Variants in DUOX2 observed in about 807,000 individuals in gnomAD.
DUOX2 encodes the protein NADH/NADPH thyroid oxidase p138-tox.
A neutral mutation model predicts 183.3 loss-of-function variants in DUOX2; 185 were observed. The ratio of observed to expected loss-of-function variants is 1.01; its 90% CI spans 0.90 to 1.14. The LOEUF is 1.14. DUOX2 is among the 50% of genes most tolerant of loss of function. The pLI, the probability that DUOX2 is intolerant of heterozygous loss-of-function variation, is 0.00. For missense variants in DUOX2, 1,999 were observed against 2,022.9 expected (o/e 0.99, Z 0.23); for synonymous variants, 788 against 812.4 (o/e 0.97, Z 0.51).
chr15:45,101,588 T>C, intron 21 of DUOX2: 1 of 669,504 alleles, frequency 1.5e-6, no homozygotes, highest in Non-Finnish European at 2.6e-6. Flanking sequence ...AGGATAGATT[T>C]CAACCTGCTC....
rs917130174 is a variant in DUOX2, at chr15:45,099,651, G to A, written c.3415+11C>T. ...CTGCAGCAAAGAGGAAGAAGCCTGG[G>A]AGTCACGTACTGGCCAGGACAACAG... On this transcript the variant is annotated intron_variant, in intron 25 of 33. Transcript: ENST00000389039. 6.2e-7 allele frequency: 1 copy of A among 1,613,998 alleles called. No individual in the cohort carries two copies. Among genetic ancestry groups the A allele is most frequent in the Non-Finnish European group, 8.5e-7 (1 of 1,179,920 alleles).
At chr15:45,102,779 C>T (rs191896845) in intron 20 of DUOX2, among the ~76,000 whole-genome samples, 26 of 152,208 alleles carry the variant, frequency 1.7e-4, no homozygotes, top group Admixed American at 1.0e-3. Flanking sequence ...GTCAGGAGTT[C>T]GAGACTAGCC....
chr15:45,105,831 G>A lies in DUOX2; in HGVS notation c.2149-3C>T. On this transcript the variant is annotated splice_region_variant and splice_polypyrimidine_tract_variant and intron_variant, in intron 17 of 33. Coordinates refer to ENST00000389039, the MANE Select transcript of DUOX2 (RefSeq NM_001363711.2). The stretch of plus-strand genomic sequence containing the variant: ...TCTTCAGAACTAAACAGCAGCACCT[G>A]GGTGGGAGGAAGGCGGCACTGACGC... The A allele has an allele frequency of 6.2e-7, 1 of 1,614,002 alleles. No homozygotes were observed. Among genetic ancestry groups the A allele is most frequent in the African/African-American group, 1.3e-5 (1 of 75,062 alleles).
chr15:45,095,192 G>C (rs948001527), intron 31 of DUOX2, 101 bp from the exon 32 acceptor site: 2 of 1,496,462 alleles, frequency 1.3e-6, no homozygotes. Flanking sequence ...ACCACCTGCA[G>C]ACACCAAAGC....
Position 45,104,226 on chromosome 15 carries a change from T to C in DUOX2, c.2474A>G (p.Glu825Gly), listed in dbSNP as rs1894154839. ...CTTGTCAGCCAGAGAGAACATGGAC[T>C]CCACAAACATGTCCTGGGGCTTGAG... Reference protein sequence around the residue: ...LGLKPQDMFVESMFSLADKDG... With the variant: ...LGLKPQDMFVGSMFSLADKDG... Residue 825 changes from glutamate to glycine, a missense_variant, in exon 19 of 34, where the codon GAG (glutamate) becomes GGG (glycine). Physicochemically the swap from Glu to Gly is moderately conservative, Grantham distance 98 (BLOSUM62 -2). Around this residue, in one of 3 missense-constraint regions of DUOX2, gnomAD observed 1,628 missense variants for 1,608.6 expected, o/e 1.01. Coordinates refer to ENST00000389039, the MANE Select transcript of DUOX2 (RefSeq NM_001363711.2). The C allele has an allele frequency of 6.2e-7, 1 of 1,613,960 alleles. No individual in the cohort carries two copies. The highest frequency in any genetic ancestry group is 8.5e-7 in the Non-Finnish European group (1 of 1,179,994).
intron 20 of DUOX2, among the ~76,000 whole-genome samples, chr15:45,102,852 C>T (rs1378271898): frequency 6.6e-6 from 1 of 152,224 alleles, no homozygotes; most frequent in African/African-American, 2.4e-5. Context: ...CGTGGTGGCA[C>T]ATGCCTGTAA....
In DUOX2 at chr15:45,093,173, A is replaced by G. The variant is rs1893804969; in HGVS notation, c.*977T>C. The G allele has an allele frequency of 6.6e-6, 1 of 152,192 alleles. No individual in the cohort carries two copies. The highest frequency in any genetic ancestry group is 6.5e-5 in the Admixed American group (1 of 15,272). The allele number at this position is 152,192 out of a possible 1,614,324, so 9.4% of individuals were successfully genotyped here. ...TTGCGTAAGGTGACCAGCTGTCCCA[A>G]TCTGCCTGGGACTGATGGGGTTTCC... On this transcript the variant is annotated 3_prime_UTR_variant, in exon 34 of 34. Transcript: ENST00000389039.
rs150309333 is a variant in DUOX2 at position 45,092,936 on chromosome 15, A to T, written c.*1214T>A. ...TTGCTTCTAGGAGCTAGGGGAGACG[A>T]AGTGGAAGGGGGTACAAGGGGAGTT... On this transcript the variant is annotated 3_prime_UTR_variant, in exon 34 of 34. Coordinates refer to ENST00000389039, the MANE Select transcript of DUOX2 (RefSeq NM_001363711.2). The T allele has an allele frequency of 9.2e-5, 14 of 152,310 alleles. No homozygotes were observed. Among genetic ancestry groups the T allele is most frequent in the African/African-American group, 3.1e-4 (13 of 41,558 alleles). The allele number at this position is 152,310 out of a possible 1,614,324, so 9.4% of individuals were successfully genotyped here.
At chr15:45,104,980 C>T (rs1022060001) in intron 18 of DUOX2, among the ~76,000 whole-genome samples, 6 of 152,146 alleles carry the variant, frequency 3.9e-5, no homozygotes, top group Admixed American at 6.6e-5. Flanking sequence ...GCCACCACGT[C>T]CAGCTAATTT....
At chr15:45,106,082 C>G in intron 17 of DUOX2, 43 bp downstream of exon 17, 1 of 1,607,026 alleles carries the variant, frequency 6.2e-7, no homozygotes, top group Non-Finnish European at 8.5e-7. Flanking sequence ...ATAATGGAGT[C>G]GTGTGAGGGC....
rs1421027554 is a variant in DUOX2 at position 45,099,888 on chromosome 15, A to G, written c.3189T>C (p.Tyr1063=). Residue 1063 remains tyrosine, a synonymous_variant, in exon 25 of 34, where the codon TAT becomes TAC. Coordinates refer to ENST00000389039, the MANE Select transcript of DUOX2 (RefSeq NM_001363711.2). The part of the protein sequence containing the change: ...VGVFADRAYY[Y]GFASPPSDIA... ...TGTCCGAGGGTGGCGAGGCAAAGCC[A>G]TAGTCTGGGGCCGGAGTGAGGTTAC... 2 of 1,614,188 alleles carry G rather than the reference A, an allele frequency of 1.2e-6. No individual in the cohort carries two copies. Among genetic ancestry groups the G allele is most frequent in the East Asian group, 2.2e-5 (1 of 44,870 alleles).
intron 11 of DUOX2, 90 bp from the exon 12 acceptor site, chr15:45,109,042 T>A: frequency 6.6e-7 from 1 of 1,522,594 alleles, no homozygotes; most frequent in Non-Finnish European, 9.0e-7. Context: ...GCACTACGGT[T>A]CTTCCCTCCT....
In DUOX2 at chr15:45,093,778, C is replaced by T; in HGVS notation, c.*372G>A. 1 of 304,770 alleles carries T rather than the reference C, an allele frequency of 3.3e-6. No homozygotes were observed. The highest frequency in any genetic ancestry group is 6.4e-6 in the Non-Finnish European group (1 of 155,442). 18.9% of individuals were successfully genotyped at this position (304,770 alleles called of 1,614,324 possible). On this transcript the variant is annotated 3_prime_UTR_variant, in exon 34 of 34. Coordinates refer to ENST00000389039, the MANE Select transcript of DUOX2 (RefSeq NM_001363711.2). Reference sequence around the variant, plus strand: ...ACTTGTCACAAGCAGGGACTGTCTCCTCCCCACTTTGCTTGCCACGCCTGC... The same window carrying T: ...ACTTGTCACAAGCAGGGACTGTCTCTTCCCCACTTTGCTTGCCACGCCTGC...
chr15:45,099,301 C>T lies in DUOX2; in HGVS notation c.3515+82G>A, dbSNP rs113618416. On this transcript the variant is annotated intron_variant, in intron 26 of 33. Transcript: ENST00000389039. The stretch of plus-strand genomic sequence containing the variant: ...CTGGGATTACAGGCGTGAGCCACCG[C>T]GCCCGGCCTGCCTATTTCTTTTTCT... 0.011 allele frequency: 13,813 copies of T among 1,315,308 alleles called. 703 individuals carry two copies. The African/African-American group carries it at 0.13, about 12-fold the overall frequency. 81.5% of individuals were successfully genotyped at this position (1,315,308 alleles called of 1,614,324 possible).
chr15:45,104,800 G>T (rs559302065), intron 18 of DUOX2, among the ~76,000 whole-genome samples: 8 of 152,106 alleles, frequency 5.3e-5, no homozygotes, highest in Non-Finnish European at 7.4e-5. Context: ...TTTAAAAGTC[G>T]CATGTAACAA....
At chr15:45,113,098 T>C (rs1483545990) in intron 2 of DUOX2, 22 bp from the exon 3 acceptor site, 1 of 1,608,722 alleles carries the variant, frequency 6.2e-7, no homozygotes, top group African/African-American at 1.3e-5. Context: ...GAGAAGGGCC[T>C]CCTCAGCACT....
rs373817073 is a variant in DUOX2 at position 45,094,129 on chromosome 15, C to T, written c.*21G>A. The T allele has an allele frequency of 2.5e-6, 4 of 1,614,014 alleles. No individual in the cohort carries two copies. In the African/African-American group the frequency reaches 5.3e-5, roughly 22 times the overall value. The stretch of plus-strand genomic sequence containing the variant: ...AGAAGAGAAGGCAGGATACTGGAAG[C>T]AGCAGCCAGGGAGGACAGGCTCAGA... On this transcript the variant is annotated 3_prime_UTR_variant, in exon 34 of 34. Coordinates refer to ENST00000389039, the MANE Select transcript of DUOX2 (RefSeq NM_001363711.2).
At chr15:45,104,855 C>T (rs1407067790) in intron 18 of DUOX2, among the ~76,000 whole-genome samples, 1 of 152,208 alleles carries the variant, frequency 6.6e-6, no homozygotes, top group African/African-American at 2.4e-5. Flanking sequence ...GAGTCTTGCT[C>T]TGTCACCCAG....
At position 45,100,137 on chromosome 15, in the gene DUOX2, G is replaced by C; in HGVS notation, c.3097C>G (p.Arg1033Gly). ...FLAQKLQQYK[R>G]FVENYRRHIV... ...TGCCTCCGGTAGTTCTCCACGAAGC[G>C]CTTGTACTGCTGCAGCTTTTGGGCT... The change falls in exon 24 of 34, where the codon CGC becomes GGC. Residue 1033 changes from arginine (R) to glycine (G), a missense_variant. Physicochemically the swap from Arg to Gly is moderately radical, Grantham distance 125 (BLOSUM62 -2). Coordinates refer to ENST00000389039, the MANE Select transcript of DUOX2 (RefSeq NM_001363711.2). The C allele has an allele frequency of 1.2e-6, 2 of 1,614,204 alleles. No individual in the cohort carries two copies. The highest frequency in any genetic ancestry group is 2.2e-5 in the South Asian group (2 of 91,084).
Sources: allele counts gnomAD v4.1 joint callset (sites outside exome capture counted in the v4.1 genomes callset), GRCh38; gene constraint gnomAD v4.1.1; regional missense constraint gnomAD v4.1.1; transcripts MANE v1.5; gene names NCBI Gene and HGNC (gene_info 2026-07-23, HGNC 2026-07-21).